ARL10: variants seen among roughly 807,000 people sequenced by gnomAD.
ARL10 encodes the protein ARF like GTPase 10.
In ARL10, 23 loss-of-function variants were observed where a neutral mutation model predicts 26.1. The ratio of observed to expected loss-of-function variants is 0.88; its 90% CI spans 0.63 to 1.25. ARL10 has a LOEUF of 1.25. Ranked by LOEUF, ARL10 falls within the 50% of genes most tolerant of loss-of-function variation. The probability of loss-of-function intolerance (pLI) is 0.00; values close to 1 mark genes in which losing one functional copy is unlikely to be tolerated. For missense variants in ARL10, 300 were observed against 323.6 expected, an observed-to-expected ratio of 0.93 and a Z score of 0.56; for synonymous variants, 138 against 149.1, an observed-to-expected ratio of 0.93 and a Z score of 0.54.
At chr5:176,403,410 G>A (rs990603564), downstream of ARL10, among the ~76,000 whole-genome samples, 1 of 151,418 alleles carries the variant, frequency 6.6e-6, no homozygotes, top group African/African-American at 2.4e-5. Flanking sequence ...TTTAATCTTC[G>A]CAACCCTACA....
At chr5:176,385,292 C>G, downstream of ARL10, 1 of 1,613,042 alleles carries the variant, frequency 6.2e-7, no homozygotes, top group Non-Finnish European at 8.5e-7. Flanking sequence ...AGAGTATTTC[C>G]TTTCTTTTCT....
At chr5:176,392,762 C>T (rs1315846735), downstream of ARL10, 1 of 1,613,422 alleles carries the variant, frequency 6.2e-7, no homozygotes, top group South Asian at 1.1e-5. This position sits in a 1 kb window ranked among gnomAD's most constrained non-coding sequence, Gnocchi z 5.2. Flanking sequence ...TGGCCATGCA[C>T]CTAGCAGGCA....
chr5:176,397,665 G>A (rs1159244677), intron 1 of ARL10: 1 of 1,612,762 alleles, frequency 6.2e-7, no homozygotes, highest in Non-Finnish European at 8.5e-7. Context: ...CACTCCTCCA[G>A]GTCCTTCTTG....
downstream of ARL10, chr5:176,385,396 A>G (rs1755761459): frequency 2.9e-5 from 28 of 951,290 alleles, no homozygotes; most frequent in Non-Finnish European, 4.4e-5. Context: ...GAGCTGTCCA[A>G]TCACCCCTTC....
downstream of ARL10, chr5:176,406,313 C>G (rs1478269035): frequency 9.4e-7 from 1 of 1,066,740 alleles, no homozygotes; most frequent in Non-Finnish European, 1.1e-6. Context: ...ACAGTCAGGG[C>G]CAGGCTTGTC....
downstream of ARL10, chr5:176,406,325 C>T: frequency 9.3e-7 from 1 of 1,076,418 alleles, no homozygotes; most frequent in Non-Finnish European, 1.1e-6. Context: ...AGGCTTGTCT[C>T]AGTCTAGCTC....
At chr5:176,367,425 C>T (rs1042556520) in intron 2 of ARL10, among the ~76,000 whole-genome samples, 5 of 152,192 alleles carry the variant, frequency 3.3e-5, no homozygotes, top group Non-Finnish European at 5.9e-5. Context: ...GTCATCTTTC[C>T]TCTCAGCACC....
intron 2 of ARL10, chr5:176,367,797 C>T (rs540837834): frequency 6.1e-6 from 3 of 492,062 alleles, no homozygotes; most frequent in African/African-American, 6.0e-5. Flanking sequence ...AGGGCCAACC[C>T]CTGTTCCACC....
rs1414223064 is a variant in ARL10 at position 176,375,378 on chromosome 5, A to C, written c.*3483A>C. On this transcript the variant is annotated 3_prime_UTR_variant, in exon 4 of 4. Transcript: ENST00000310389. ...ATCCATCCATCCATCTGTGGCTTCT[A>C]CCTGTGCGAATCTCTGTGCTACAAA... 1.3e-5 allele frequency: 2 copies of C among 150,580 alleles called. No individual in the cohort carries two copies. The highest frequency in any genetic ancestry group is 3.0e-5 in the Non-Finnish European group (2 of 67,780). The allele number at this position is 150,580 out of a possible 1,614,324, so 9.3% of individuals were successfully genotyped here.
the ARL10 span, among the ~76,000 whole-genome samples, chr5:176,410,780 C>T: frequency 1.1e-3 from 161 of 151,288 alleles, no homozygotes; most frequent in African/African-American, 3.8e-3. Context: ...GTCCCTGAGG[C>T]GCCTTGAGCA....
In ARL10 at chr5:176,373,194, C is replaced by A. The variant is rs566697358; in HGVS notation, c.*1299C>A. 4 of 396,298 alleles carry A rather than the reference C, an allele frequency of 1.0e-5. No individual in the cohort carries two copies. The highest frequency in any genetic ancestry group is 8.9e-6 in the Non-Finnish European group (2 of 225,106). 24.5% of individuals were successfully genotyped at this position (396,298 alleles called of 1,614,324 possible). On this transcript the variant is annotated 3_prime_UTR_variant, in exon 4 of 4. Transcript: ENST00000310389. ...AGGACAGGAATAGCAGACCAGCCAA[C>A]GGGATGGCCTTGGGTACATCACTCA...
the ARL10 span, among the ~76,000 whole-genome samples, chr5:176,409,694 G>A: frequency 8.1e-4 from 123 of 152,154 alleles, no homozygotes; most frequent in Non-Finnish European, 1.5e-3. Context: ...GATTACAGGC[G>A]TCAGCCACTG....
chr5:176,387,186 TCTC>T (rs1187103023), intron 1 of ARL10, among the ~76,000 whole-genome samples: 3 of 151,980 alleles, frequency 2.0e-5, no homozygotes, highest in Admixed American at 2.0e-4. Flanking sequence ...GTTCAAGTGA[TCTC>T]CTGCCTCAGC....
intron 1 of ARL10, among the ~76,000 whole-genome samples, chr5:176,396,952 C>T (rs1240046616): frequency 6.6e-6 from 1 of 150,410 alleles, no homozygotes; most frequent in Non-Finnish European, 1.5e-5. Context: ...TACCTCCTGC[C>T]CTTTTTTCCC....
downstream of ARL10, chr5:176,389,117 CTGAT>C: frequency 1.7e-6 from 2 of 1,202,620 alleles, no homozygotes; most frequent in Non-Finnish European, 1.2e-6. Context: ...AGGGGCGAAA[CTGAT>C]TGGAGCGGGA....
At chr5:176,401,105 T>A (rs949923569) in intron 1 of ARL10, among the ~76,000 whole-genome samples, 6 of 152,262 alleles carry the variant, frequency 3.9e-5, no homozygotes, top group African/African-American at 1.2e-4. Flanking sequence ...CAGTGGGCCC[T>A]TCTGGGGCCC....
At chr5:176,389,801 A>C (rs1240825858), downstream of ARL10, 3 of 255,422 alleles carry the variant, frequency 1.2e-5, no homozygotes, top group African/African-American at 2.2e-5. Flanking sequence ...TTGATTTTGG[A>C]GGAAACGGAC....
At chr5:176,410,278 T>C in the ARL10 span, 1 of 1,614,048 alleles carries the variant, frequency 6.2e-7, no homozygotes, top group African/African-American at 1.3e-5. Context: ...CTCCATTGAC[T>C]GTGGTCCCCA....
chr5:176,369,653 A>G (rs780967358), intron 3 of ARL10, among the ~76,000 whole-genome samples: 1 of 152,140 alleles, frequency 6.6e-6, no homozygotes, highest in South Asian at 2.1e-4. Context: ...AAGGTTGTAC[A>G]TCTTGAGAGT....
Sources: gnomAD v4.1 joint callset for allele counts (sites outside exome capture counted in the v4.1 genomes callset) on GRCh38, gnomAD v4.1.1 for gene constraint, Gnocchi (gnomAD v3.1) non-coding constraint, MANE v1.5 for transcripts, NCBI Gene and HGNC (gene_info 2026-07-23, HGNC 2026-07-21) for gene names.